Variants in DUSP4 observed in about 807,000 individuals in gnomAD.
The protein encoded by DUSP4 is dual specificity protein phosphatase 4.
Under a neutral mutation model 27.2 loss-of-function variants are expected in DUSP4, and 12 were observed. That is an observed-to-expected ratio of 0.44 (90% CI 0.28 to 0.71). DUSP4 has a LOEUF of 0.71. DUSP4 is among the 30% of genes least tolerant of loss of function. DUSP4 has a pLI of 0.14. For synonymous variants in DUSP4, 257 were observed against 245.2 expected (o/e 1.05, Z -0.45); for missense variants, 448 against 551.3 (o/e 0.81, Z 1.88).
intron 2 of DUSP4, among the ~76,000 whole-genome samples, chr8:29,339,838 C>CG (rs1461830916): frequency 3.6e-5 from 5 of 140,086 alleles, no homozygotes; most frequent in East Asian, 2.3e-4. Flanking sequence ...ACCCCCCCCC[C>CG]CCATCTCTAC....
intron 1 of DUSP4, among the ~76,000 whole-genome samples, chr8:29,349,527 G>A (rs1245655468): frequency 3.3e-5 from 5 of 152,220 alleles, no homozygotes; most frequent in Non-Finnish European, 7.3e-5. Flanking sequence ...ACTGTTCCCG[G>A]GACTCAAGAT....
intron 1 of DUSP4, among the ~76,000 whole-genome samples, chr8:29,349,060 T>C (rs1207767940): frequency 6.6e-6 from 1 of 152,188 alleles, no homozygotes; most frequent in East Asian, 1.9e-4. Context: ...CGCCGAGAGT[T>C]TCGCCAGGGC....
At position 29,337,388 on chromosome 8, in the gene DUSP4, G is replaced by A. The variant is rs375453930; in HGVS notation, c.823C>T (p.Arg275Cys). The A allele has an allele frequency of 1.9e-5, 30 of 1,607,490 alleles. No individual in the cohort carries two copies. The highest frequency in any genetic ancestry group is 4.4e-5 in the South Asian group (4 of 90,934). Residue 275 changes from arginine to cysteine, a missense_variant, in exon 4 of 4, where the codon CGC becomes TGC. This residue lies in a region of DUSP4 where 345 missense variants were observed against 394.0 expected (regional missense o/e 0.88). Transcript: ENST00000240100. This position sits in a 1 kb window ranked among gnomAD's most constrained non-coding sequence, Gnocchi z 6.4. ...YIDAVKDCRG[R>C]VLVHCQAGIS... ...CCCGCCTGGCAGTGCACCAGCACGCGCCCACGGCAGTCCTTCACGGCATCT... is the reference window on the plus strand; with the variant it reads ...CCCGCCTGGCAGTGCACCAGCACGCACCCACGGCAGTCCTTCACGGCATCT...
At chr8:29,348,761 G>T (rs112635844) in intron 1 of DUSP4, 16 of 985,510 alleles carry the variant, frequency 1.6e-5, no homozygotes, top group East Asian at 1.1e-4. Context: ...GCGCCTGCGG[G>T]GGGGAGGAGC....
Position 29,336,917 on chromosome 8 carries a change from G to A in DUSP4, c.*109C>T. 7.1e-7 allele frequency: 1 copy of A among 1,412,956 alleles called. No homozygotes were observed. The highest frequency in any genetic ancestry group is 9.3e-7 in the Non-Finnish European group (1 of 1,077,898). 87.5% of individuals were successfully genotyped at this position (1,412,956 alleles called of 1,614,324 possible). On this transcript the variant is annotated 3_prime_UTR_variant, in exon 4 of 4. Transcript: ENST00000240100. The stretch of plus-strand genomic sequence containing the variant: ...TTGGCCAAGGAGAAATGATGGGGAA[G>A]GAGCTCGGTCGCCTGCTCCCAGCTG...
At position 29,340,590 on chromosome 8, in the gene DUSP4, G is replaced by A. The variant is rs140728725; in HGVS notation, c.434-347C>T. ...GACAAAATAGAGAAGCAAAGGTCAC[G>A]CTGGGCTTCCAAGGACACTAAGTAC... On this transcript the variant is annotated intron_variant, in intron 1 of 3. Transcript: ENST00000240100. 4.7e-3 allele frequency among the ~76,000 whole-genome samples: 722 copies of A among 152,224 alleles called. 2 individuals are homozygous for A. Among genetic ancestry groups the A allele is most frequent in the Middle Eastern group, 0.01 (3 of 294 alleles).
intron 1 of DUSP4, among the ~76,000 whole-genome samples, chr8:29,344,914 C>G (rs769191733): frequency 6.6e-6 from 1 of 151,900 alleles, no homozygotes; most frequent in Admixed American, 6.6e-5. Flanking sequence ...GATTATGGCT[C>G]ACTGTAGCCT....
Position 29,337,059 on chromosome 8 carries a change from C to G in DUSP4, c.1152G>C (p.Leu384=). 1 of 1,605,290 alleles carries G rather than the reference C, an allele frequency of 6.2e-7. No homozygotes were observed. The highest frequency in any genetic ancestry group is 8.5e-7 in the Non-Finnish European group (1 of 1,176,166). ...TGGGAGAGGTGGTGATGGGGCTGTG[C>G]AGGTAGGGCAGGCTGCTGGGGGCCG... is the stretch of plus-strand genomic sequence containing the variant. The part of the protein sequence containing the change: ...VHSAPSSLPY[L]HSPITTSPSC Residue 384 remains leucine, a synonymous_variant, in exon 4 of 4, where the codon CTG becomes CTC. Coordinates refer to ENST00000240100, the MANE Select transcript of DUSP4 (RefSeq NM_001394.7). This position sits in a 1 kb window ranked among gnomAD's most constrained non-coding sequence, Gnocchi z 6.4.
chr8:29,347,850 G>C, intron 1 of DUSP4: 1 of 985,622 alleles, frequency 1.0e-6, no homozygotes, highest in Non-Finnish European at 1.2e-6. Context: ...CTCTCGAATC[G>C]GTCTGGCTGG....
In DUSP4 at chr8:29,342,024, C is replaced by T. The variant is rs193241885; in HGVS notation, c.434-1781G>A. 2.0e-4 allele frequency among the ~76,000 whole-genome samples: 31 copies of T among 152,310 alleles called. No individual in the cohort carries two copies. The East Asian group carries it at 6.0e-3, about 29-fold the overall frequency. On this transcript the variant is annotated intron_variant, in intron 1 of 3. Coordinates refer to ENST00000240100, the MANE Select transcript of DUSP4 (RefSeq NM_001394.7). ...ACATTTTAAAACAACATGTTAGACA[C>T]AGGTGGTGTCCTGCAAAAACTCACC...
Position 29,334,631 on chromosome 8 carries a change from C to T in DUSP4, c.*2395G>A, listed in dbSNP as rs879096554. 1 of 152,244 alleles carries T rather than the reference C, an allele frequency of 6.6e-6. No individual in the cohort carries two copies. The highest frequency in any genetic ancestry group is 1.5e-5 in the Non-Finnish European group (1 of 68,044). 9.4% of individuals were successfully genotyped at this position (152,244 alleles called of 1,614,324 possible). A position where few individuals can be genotyped will look rare whatever the true frequency, so the allele number is the denominator to read the frequency against. ...TCGTTCTATAAAAATGGAATCTGTT[C>T]TGCAGGTTACCGTCCCTCCCCGCCC... On this transcript the variant is annotated 3_prime_UTR_variant, in exon 4 of 4. Coordinates refer to ENST00000240100, the MANE Select transcript of DUSP4 (RefSeq NM_001394.7).
chr8:29,339,618 C>T (rs1285067633), intron 2 of DUSP4, among the ~76,000 whole-genome samples: 1 of 152,092 alleles, frequency 6.6e-6, no homozygotes, highest in Non-Finnish European at 1.5e-5. Flanking sequence ...GGAAGATTTC[C>T]AAGAAGTAAA....
chr8:29,349,782 G>A, intron 1 of DUSP4, 64 bp downstream of exon 1: 14 of 1,425,486 alleles, frequency 9.8e-6, no homozygotes, highest in Admixed American at 2.8e-5. Flanking sequence ...TGCCAATAAG[G>A]CGCAGGCCGC....
At position 29,339,389 on chromosome 8, in the gene DUSP4, A is replaced by G. The variant is rs597028; in HGVS notation, c.579+709T>C. Among the ~76,000 whole-genome samples the G allele has an allele frequency of 1.5e-3, 225 of 152,220 alleles. 1 individual carries two copies. The highest frequency in any genetic ancestry group is 4.2e-3 in the African/African-American group (174 of 41,538). On this transcript the variant is annotated intron_variant, in intron 2 of 3. Coordinates refer to ENST00000240100, the MANE Select transcript of DUSP4 (RefSeq NM_001394.7). Reference sequence around the variant, plus strand: ...TTGGAGGGAGGGTGGGTGACCATCTATGTTCATTCGGCTGATACGTGGGAG... The same window carrying G: ...TTGGAGGGAGGGTGGGTGACCATCTGTGTTCATTCGGCTGATACGTGGGAG...
chr8:29,339,968 C>T, intron 2 of DUSP4, 130 bp downstream of exon 2: 1 of 1,278,990 alleles, frequency 7.8e-7, no homozygotes, highest in Non-Finnish European at 1.1e-6. Context: ...CCACTGCACT[C>T]CTGGGTGACA....
At position 29,336,949 on chromosome 8, in the gene DUSP4, C is replaced by T; in HGVS notation, c.*77G>A. Reference sequence around the variant, plus strand: ...GGTCGCCTGCTCCCAGCTGCTCAGTCCCAACTTTCTGCCCGCATGCGGCCC... The same window carrying T: ...GGTCGCCTGCTCCCAGCTGCTCAGTTCCAACTTTCTGCCCGCATGCGGCCC... On this transcript the variant is annotated 3_prime_UTR_variant, in exon 4 of 4. Transcript: ENST00000240100. The T allele has an allele frequency of 6.9e-7, 1 of 1,456,322 alleles. No homozygotes were observed. Among genetic ancestry groups the T allele is most frequent in the Non-Finnish European group, 9.0e-7 (1 of 1,105,032 alleles). The allele number at this position is 1,456,322 out of a possible 1,614,324, so 90.2% of individuals were successfully genotyped here.
At chr8:29,344,865 C>CA (rs1251767340) in intron 1 of DUSP4, among the ~76,000 whole-genome samples, 1 of 150,114 alleles carries the variant, frequency 6.7e-6, no homozygotes, top group African/African-American at 2.5e-5. Flanking sequence ...CAGGGTCTGT[C>CA]ACTGTCACTC....
intron 1 of DUSP4, chr8:29,345,270 C>A: frequency 7.1e-7 from 1 of 1,412,022 alleles, no homozygotes; most frequent in Non-Finnish European, 9.8e-7. Context: ...GTTTGAAGGC[C>A]ATTTGCCTTT....
intron 1 of DUSP4, chr8:29,348,588 C>G (rs1817771684): frequency 4.1e-6 from 4 of 985,380 alleles, no homozygotes; most frequent in Admixed American, 6.1e-5. Context: ...GGGAACAAAG[C>G]CCCCCGCTGT....
Sources: gnomAD v4.1 joint callset for allele counts (sites outside exome capture counted in the v4.1 genomes callset) on GRCh38, gnomAD v4.1.1 for gene constraint, gnomAD v4.1.1 regional missense constraint, Gnocchi (gnomAD v3.1) non-coding constraint, MANE v1.5 for transcripts, NCBI Gene and HGNC (gene_info 2026-07-23, HGNC 2026-07-21) for gene names.